Variants in HIVEP2 observed in about 807,000 individuals in gnomAD.
HIVEP2 encodes transcription factor HIVEP2.
Under a neutral mutation model 180.7 loss-of-function variants are expected in HIVEP2, and 14 were observed. That is an observed-to-expected ratio of 0.08 (90% CI 0.05 to 0.12). HIVEP2 has a LOEUF of 0.12. HIVEP2 is among the 10% of genes least tolerant of loss of function. The pLI, the probability that HIVEP2 is intolerant of heterozygous loss-of-function variation, is 1.00. For synonymous variants in HIVEP2, 1,184 were observed against 1,136.4 expected, an observed-to-expected ratio of 1.04 and a Z score of -0.84; for missense variants, 2,579 against 3,008.5, an observed-to-expected ratio of 0.86 and a Z score of 3.34.
In HIVEP2 at chr6:142,862,013, G is replaced by A. The variant is rs528264650; in HGVS notation, c.-640-24966C>T. Among the ~76,000 whole-genome samples, 526 of 152,170 alleles carry A rather than the reference G, an allele frequency of 3.5e-3. 3 individuals carry two copies. Among genetic ancestry groups the A allele is most frequent in the African/African-American group, 0.012 (504 of 41,522 alleles). ...AAAGTGGCACTTGAAGTTTTATACC[G>A]TTACTTAAATTTTTTTTCAGGGAAA... On this transcript the variant is annotated intron_variant, in intron 1 of 9. Coordinates refer to ENST00000367603, the MANE Select transcript of HIVEP2 (RefSeq NM_006734.4).
chr6:142,823,345 G>A (rs1021723726), intron 2 of HIVEP2, among the ~76,000 whole-genome samples: 27 of 152,064 alleles, frequency 1.8e-4, no homozygotes, highest in African/African-American at 2.9e-4. Flanking sequence ...CCTAAACCCC[G>A]CGACAACGGT....
chr6:142,931,481 T>C (rs1471942232), intron 1 of HIVEP2, among the ~76,000 whole-genome samples: 1 of 151,948 alleles, frequency 6.6e-6, no homozygotes, highest in African/African-American at 2.4e-5. Context: ...TGCCAAAAAG[T>C]AGGAGGTAGA....
Position 142,774,343 on chromosome 6 carries a change from G to A in HIVEP2, c.396C>T (p.Ser132=), listed in dbSNP as rs183679819. 58 of 1,614,198 alleles carry A rather than the reference G, an allele frequency of 3.6e-5. No homozygotes were observed. The highest frequency in any genetic ancestry group is 2.7e-4 in the South Asian group (25 of 91,086). ...PPWLFPGPLP[S]VASEDLFPFP... ...AAGGAAATAAGTCCTCAGAGGCAAC[G>A]GATGGCAAAGGGCCAGGGAAAAGCC... is the stretch of plus-strand genomic sequence containing the variant. The change falls in exon 5 of 10, where the codon TCC becomes TCT. Residue 132 remains serine (S), a synonymous_variant. Coordinates refer to ENST00000367603, the MANE Select transcript of HIVEP2 (RefSeq NM_006734.4). The surrounding 1 kb of genome is among the most constrained non-coding windows in gnomAD (Gnocchi z 5.1).
chr6:142,793,238 TA>T (rs1329010555), intron 2 of HIVEP2, among the ~76,000 whole-genome samples: 4 of 152,326 alleles, frequency 2.6e-5, no homozygotes, highest in African/African-American at 9.6e-5. Context: ...AAGACTGTTA[TA>T]TTTTTTAAAA....
chr6:142,869,886 C>T (rs1374214898), intron 1 of HIVEP2, among the ~76,000 whole-genome samples: 1 of 152,016 alleles, frequency 6.6e-6, no homozygotes, highest in Non-Finnish European at 1.5e-5. Context: ...CATGTTCAAC[C>T]ATTAGATAGG....
intron 2 of HIVEP2, among the ~76,000 whole-genome samples, chr6:142,826,345 A>G (rs1037603768): frequency 1.3e-5 from 2 of 152,150 alleles, no homozygotes; most frequent in Non-Finnish European, 2.9e-5. Flanking sequence ...CTGTGACCTA[A>G]GAGATTGGCT....
intron 1 of HIVEP2, among the ~76,000 whole-genome samples, chr6:142,904,756 C>A (rs1777221404): frequency 6.6e-6 from 1 of 152,140 alleles, no homozygotes; most frequent in South Asian, 2.1e-4. Flanking sequence ...ACACCATAAC[C>A]TATATTACTC....
chr6:142,752,976 A>G lies in HIVEP2; in HGVS notation c.*131T>C, dbSNP rs1172016768. On this transcript the variant is annotated 3_prime_UTR_variant, in exon 10 of 10. Coordinates refer to ENST00000367603, the MANE Select transcript of HIVEP2 (RefSeq NM_006734.4). ...ATTTACCTAATTCTTTTGATATAAC[A>G]AAAGTATATATAATAGCAAACTACT... The G allele has an allele frequency of 1.3e-5, 8 of 636,700 alleles. No homozygotes were observed. The highest frequency in any genetic ancestry group is 1.9e-5 in the Non-Finnish European group (7 of 360,430). 39.4% of individuals were successfully genotyped at this position (636,700 alleles called of 1,614,324 possible).
intron 2 of HIVEP2, among the ~76,000 whole-genome samples, chr6:142,825,251 T>C (rs1404476243): frequency 6.6e-6 from 1 of 151,274 alleles, no homozygotes; most frequent in Non-Finnish European, 1.5e-5. Flanking sequence ...AGAGAAATAA[T>C]TTTAGAGGTT....
intron 1 of HIVEP2, among the ~76,000 whole-genome samples, chr6:142,893,136 A>G (rs1225809967): frequency 6.6e-6 from 1 of 152,198 alleles, no homozygotes; most frequent in Non-Finnish European, 1.5e-5. Flanking sequence ...TGGGACCTGG[A>G]GTCACAAACA....
At chr6:142,886,103 T>C (rs956579395) in intron 1 of HIVEP2, among the ~76,000 whole-genome samples, 1 of 152,206 alleles carries the variant, frequency 6.6e-6, no homozygotes, top group African/African-American at 2.4e-5. Context: ...CAGTTATCTT[T>C]TTCATGAATT....
intron 1 of HIVEP2, among the ~76,000 whole-genome samples, chr6:142,879,279 G>A (rs1776522999): frequency 6.6e-6 from 1 of 152,152 alleles, no homozygotes; most frequent in Non-Finnish European, 1.5e-5. Context: ...AGTAATTTGA[G>A]TCAGGAGCAC....
At chr6:142,857,497 G>C (rs1243120458) in intron 1 of HIVEP2, among the ~76,000 whole-genome samples, 1 of 152,180 alleles carries the variant, frequency 6.6e-6, no homozygotes, top group Non-Finnish European at 1.5e-5. Flanking sequence ...CTATAGGTTT[G>C]TCAGCTAAAG....
rs151256759 is a variant in HIVEP2 at position 142,786,803 on chromosome 6, A to G, written c.-527-3188T>C. On this transcript the variant is annotated intron_variant, in intron 2 of 9. Coordinates refer to ENST00000367603, the MANE Select transcript of HIVEP2 (RefSeq NM_006734.4). ...AACAAGTTACAGTTAATGCTTTAAT[A>G]TGACTCTTACATGAATCTAGCAAGA... Among the ~76,000 whole-genome samples, 15 of 152,310 alleles carry G rather than the reference A, an allele frequency of 9.8e-5. No individual in the cohort carries two copies. The East Asian group carries it at 2.7e-3, about 27-fold the overall frequency.
At chr6:142,868,750 G>C (rs187810746) in intron 1 of HIVEP2, among the ~76,000 whole-genome samples, 6 of 152,136 alleles carry the variant, frequency 3.9e-5, no homozygotes, top group Admixed American at 1.3e-4. Context: ...GAAAATAAGG[G>C]GATAAAACAT....
intron 2 of HIVEP2, among the ~76,000 whole-genome samples, chr6:142,830,473 T>C (rs1375780036): frequency 6.6e-6 from 1 of 152,092 alleles, no homozygotes; most frequent in African/African-American, 2.4e-5. Context: ...CATACACATG[T>C]TCCTGAGGAG....
At position 142,754,078 on chromosome 6, in the gene HIVEP2, T is replaced by C; in HGVS notation, c.6517-147A>G. The C allele has an allele frequency of 8.9e-6, 5 of 558,748 alleles. 1 individual carries two copies. Among genetic ancestry groups the C allele is most frequent in the Non-Finnish European group, 1.6e-5 (5 of 315,764 alleles). 34.6% of individuals were successfully genotyped at this position (558,748 alleles called of 1,614,324 possible). On this transcript the variant is annotated intron_variant, in intron 9 of 9. Transcript: ENST00000367603. ...CTAATTCTTTGATCAAGTTTTCCTA[T>C]TTCAAGACAAAAGAGATTTCTCTGT...
intron 2 of HIVEP2, among the ~76,000 whole-genome samples, chr6:142,787,019 T>C (rs534135793): frequency 2.0e-5 from 3 of 152,056 alleles, no homozygotes; most frequent in Non-Finnish European, 2.9e-5. Flanking sequence ...ACACCTGTAA[T>C]CCCAGCACTT....
At chr6:142,824,304 A>T (rs1777119464) in intron 2 of HIVEP2, among the ~76,000 whole-genome samples, 1 of 152,256 alleles carries the variant, frequency 6.6e-6, no homozygotes, top group Non-Finnish European at 1.5e-5. Context: ...CACTAACAGG[A>T]CATTAGAAAT....
Sources: gnomAD v4.1 joint callset for allele counts (sites outside exome capture counted in the v4.1 genomes callset) on GRCh38, gnomAD v4.1.1 for gene constraint, Gnocchi (gnomAD v3.1) non-coding constraint, MANE v1.5 for transcripts, NCBI Gene and HGNC (gene_info 2026-07-23, HGNC 2026-07-21) for gene names.